The following MPPED2 variants were observed in gnomAD, a reference collection of about 807,000 sequenced individuals.
MPPED2 encodes the protein metallophosphoesterase MPPED2.
Under a neutral mutation model 33.0 loss-of-function variants are expected in MPPED2, and 5 were observed. The ratio of observed to expected loss-of-function variants is 0.15; its 90% CI spans 0.08 to 0.32. The LOEUF is 0.32. Ranked by LOEUF, MPPED2 falls within the 10% of genes least tolerant of loss-of-function variation. The probability of loss-of-function intolerance (pLI) is 1.00; values close to 1 mark genes in which losing one functional copy is unlikely to be tolerated. For synonymous variants in MPPED2, 136 were observed against 141.9 expected, an observed-to-expected ratio of 0.96 and a Z score of 0.29; for missense variants, 275 against 372.1, an observed-to-expected ratio of 0.74 and a Z score of 2.15.
chr11:30,537,963 T>A (rs1341071360), intron 2 of MPPED2, among the ~76,000 whole-genome samples: 2 of 152,124 alleles, frequency 1.3e-5, no homozygotes, highest in Non-Finnish European at 2.9e-5. Context: ...CTTACAATCT[T>A]AGCAACATTT....
intron 2 of MPPED2, among the ~76,000 whole-genome samples, chr11:30,543,997 T>C (rs897878171): frequency 1.3e-4 from 20 of 152,136 alleles, no homozygotes; most frequent in African/African-American, 4.8e-4. Flanking sequence ...CAACTAATTA[T>C]AGCTAACAAA....
At chr11:30,477,837 C>G (rs1951292717) in intron 4 of MPPED2, among the ~76,000 whole-genome samples, 1 of 152,012 alleles carries the variant, frequency 6.6e-6, no homozygotes, top group Non-Finnish European at 1.5e-5. Flanking sequence ...TAGCTCGGAT[C>G]TCAGTTTAGA....
rs1019825751 is a variant in MPPED2 at position 30,545,877 on chromosome 11, T to A, written c.129-9702A>T. ...ATGACTGATATACATATATATATTTTTTTTAGACAGAGTCTCGCTCTTGTC... is the reference window on the plus strand; with the variant it reads ...ATGACTGATATACATATATATATTTATTTTAGACAGAGTCTCGCTCTTGTC... On this transcript the variant is annotated intron_variant, in intron 2 of 6. Transcript: ENST00000358117. Among the ~76,000 whole-genome samples the A allele has an allele frequency of 3.3e-5, 5 of 152,006 alleles. No homozygotes were observed. The South Asian group carries it at 6.2e-4, about 19-fold the overall frequency.
At chr11:30,468,254 A>T (rs990133281) in intron 4 of MPPED2, among the ~76,000 whole-genome samples, 15 of 107,968 alleles carry the variant, frequency 1.4e-4, no homozygotes, top group South Asian at 5.4e-4. Flanking sequence ...ACACACACAC[A>T]CACTCTCTCT....
intron 4 of MPPED2, among the ~76,000 whole-genome samples, chr11:30,469,373 C>T (rs1950853460): frequency 6.6e-6 from 1 of 152,026 alleles, no homozygotes; most frequent in Non-Finnish European, 1.5e-5. Flanking sequence ...AGATGACAGA[C>T]ATGGTCCTAG....
At chr11:30,516,449 T>C (rs1419055043) in intron 3 of MPPED2, among the ~76,000 whole-genome samples, 1 of 152,102 alleles carries the variant, frequency 6.6e-6, no homozygotes, top group Non-Finnish European at 1.5e-5. Flanking sequence ...AATATTAAAC[T>C]CAGAAGAGCC....
chr11:30,472,779 G>C (rs1951005799), intron 4 of MPPED2, among the ~76,000 whole-genome samples: 1 of 152,220 alleles, frequency 6.6e-6, no homozygotes, highest in African/African-American at 2.4e-5. Context: ...GGGAGCTAGA[G>C]AACTGAGTTT....
chr11:30,463,355 C>T (rs1252575577), intron 4 of MPPED2, among the ~76,000 whole-genome samples: 1 of 152,200 alleles, frequency 6.6e-6, no homozygotes, highest in East Asian at 1.9e-4. Context: ...CCTCCATTTC[C>T]TCTCCCCAAC....
intron 2 of MPPED2, among the ~76,000 whole-genome samples, chr11:30,565,047 C>T (rs1433954490): frequency 6.6e-6 from 1 of 152,116 alleles, no homozygotes; most frequent in Admixed American, 6.6e-5. Flanking sequence ...ATGTAGGACT[C>T]AGCACCAAAA....
chr11:30,528,524 T>C (rs1954331995), intron 3 of MPPED2, among the ~76,000 whole-genome samples: 1 of 152,208 alleles, frequency 6.6e-6, no homozygotes, highest in Non-Finnish European at 1.5e-5. Context: ...CCCAAAGTGC[T>C]GGGATTATAG....
intron 6 of MPPED2, among the ~76,000 whole-genome samples, chr11:30,395,116 T>G (rs182411750): frequency 6.6e-6 from 1 of 152,310 alleles, no homozygotes; most frequent in Admixed American, 6.5e-5. Context: ...ATCATAATTG[T>G]TCAAGTAGCA....
At chr11:30,409,209 T>A (rs983298353), downstream of MPPED2, among the ~76,000 whole-genome samples, 4 of 152,152 alleles carry the variant, frequency 2.6e-5, no homozygotes. Context: ...AGTCTCTGGC[T>A]TCTAGTACAC....
chr11:30,411,626 A>G, intron 6 of MPPED2, 40 bp from the exon 7 acceptor site: 1 of 1,550,904 alleles, frequency 6.4e-7, no homozygotes, highest in Non-Finnish European at 8.8e-7. Context: ...AATATATACA[A>G]ATGAGAGTGA....
At chr11:30,476,053 G>C (rs958526095) in intron 4 of MPPED2, among the ~76,000 whole-genome samples, 1 of 152,010 alleles carries the variant, frequency 6.6e-6, no homozygotes, top group African/African-American at 2.4e-5. Flanking sequence ...CCTTTATGAA[G>C]AGTCAATTCA....
intron 6 of MPPED2, among the ~76,000 whole-genome samples, chr11:30,398,493 T>A (rs770818912): frequency 6.6e-6 from 1 of 152,066 alleles, no homozygotes; most frequent in Admixed American, 6.6e-5. Context: ...GCTGATCAGA[T>A]GGTCAGATGA....
At chr11:30,583,073 C>A (rs1004321146) in intron 1 of MPPED2, among the ~76,000 whole-genome samples, 1 of 149,538 alleles carries the variant, frequency 6.7e-6, no homozygotes, top group Non-Finnish European at 1.5e-5. Flanking sequence ...CATCCCCACC[C>A]GTATCTCAAA....
At chr11:30,469,001 C>T (rs1950838632) in intron 4 of MPPED2, 2 of 152,216 alleles carry the variant, frequency 1.3e-5, no homozygotes, top group Admixed American at 1.3e-4. Context: ...TCACTGATAT[C>T]TCTGGGAACC....
intron 2 of MPPED2, among the ~76,000 whole-genome samples, chr11:30,556,362 G>A (rs191997686): frequency 2.0e-5 from 3 of 152,252 alleles, no homozygotes; most frequent in Admixed American, 2.0e-4. Context: ...GTTTCTGAGT[G>A]AAGATGTCAT....
exon 7 of MPPED2, chr11:30,387,105 AT>A (rs1565027108): frequency 4.4e-6 from 1 of 226,880 alleles, no homozygotes; most frequent in East Asian, 8.5e-5. Flanking sequence ...TATTATCTCA[AT>A]ACTACAATTA....
Sources: gnomAD v4.1 joint callset for allele counts (sites outside exome capture counted in the v4.1 genomes callset) on GRCh38, gnomAD v4.1.1 for gene constraint, MANE v1.5 for transcripts, NCBI Gene and HGNC (gene_info 2026-07-23, HGNC 2026-07-21) for gene names.